THADA: variants seen among roughly 807,000 people sequenced by gnomAD.
THADA encodes THADA armadillo repeat containing, also known as tRNA (32-2'-O)-methyltransferase regulator THADA.
In THADA, 213 loss-of-function variants were observed where a neutral mutation model predicts 219.8. The observed-to-expected ratio is 0.97, with a 90% CI of 0.87 to 1.09. The LOEUF (loss-of-function observed/expected upper bound fraction) is 1.09. Among genes scored for constraint, THADA ranks in the 50% least tolerant of loss-of-function variants. THADA has a pLI of 0.00. For synonymous variants in THADA, 1,018 were observed against 828.9 expected, an observed-to-expected ratio of 1.23 and a Z score of -3.92; for missense variants, 2,956 against 2,311.3, an observed-to-expected ratio of 1.28 and a Z score of -5.72.
intron 15 of THADA, chr2:43,563,097 C>A: frequency 6.6e-6 from 1 of 152,090 alleles, no homozygotes; most frequent in East Asian, 1.9e-4. Context: ...TGTTTCCTTC[C>A]TTTTAAGTTT....
intron 34 of THADA, among the ~76,000 whole-genome samples, chr2:43,288,372 C>G (rs552832765): frequency 1.3e-5 from 2 of 152,360 alleles, no homozygotes; most frequent in African/African-American, 4.8e-5. Context: ...GAGCCAAGAT[C>G]ATGCCACTGC....
intron 36 of THADA, among the ~76,000 whole-genome samples, chr2:43,275,910 T>C (rs898414546): frequency 4.6e-5 from 7 of 152,240 alleles, no homozygotes; most frequent in African/African-American, 1.7e-4. Context: ...ACAGAGGCCT[T>C]TGTTCAAATG....
rs748820550 is a variant in THADA at position 43,577,088 on chromosome 2, C to T, written c.971G>A (p.Ser324Asn). 3 of 1,613,522 alleles carry T rather than the reference C, an allele frequency of 1.9e-6. No homozygotes were observed. The highest frequency in any genetic ancestry group is 2.2e-5 in the South Asian group (2 of 90,846). ...CAGGGCCTCCCCACTCCGACCCATG[C>T]TTCCGTTCTGCCAGTCCAACATGGC... ...TLAMLDWQNGSMGRSGEALLL... is the reference protein window; with the variant it reads ...TLAMLDWQNGNMGRSGEALLL... Residue 324 changes from serine to asparagine, a missense_variant, in exon 10 of 38, where the codon AGC becomes AAC. Physicochemically the swap from Ser to Asn is conservative, Grantham distance 46 (BLOSUM62 1). Transcript: ENST00000405975.
At chr2:43,589,408 T>C (rs1212723557) in intron 4 of THADA, among the ~76,000 whole-genome samples, 3 of 152,160 alleles carry the variant, frequency 2.0e-5, no homozygotes, top group African/African-American at 7.2e-5. Context: ...ATATGAGGTA[T>C]CTAAAGTAAT....
chr2:43,265,626 G>A (rs945562762), intron 36 of THADA, among the ~76,000 whole-genome samples: 4 of 152,272 alleles, frequency 2.6e-5, no homozygotes, highest in African/African-American at 7.2e-5. Flanking sequence ...AACAAGGGCC[G>A]GGCAGGCAGG....
At chr2:43,432,603 C>G (rs1257378106) in intron 26 of THADA, among the ~76,000 whole-genome samples, 1 of 151,972 alleles carries the variant, frequency 6.6e-6, no homozygotes, top group Non-Finnish European at 1.5e-5. Flanking sequence ...CTGACAGTTT[C>G]CTGAAATAAT....
chr2:43,456,565 T>C (rs141431037), intron 26 of THADA, among the ~76,000 whole-genome samples: 113 of 152,260 alleles, frequency 7.4e-4, no homozygotes, highest in African/African-American at 2.2e-3. Context: ...CTTTTCTTTT[T>C]TTTTTTAAGC....
At chr2:43,480,130 T>C (rs574053209) in intron 26 of THADA, among the ~76,000 whole-genome samples, 2 of 152,356 alleles carry the variant, frequency 1.3e-5, no homozygotes, top group South Asian at 4.1e-4. Context: ...TCGCTTTGTG[T>C]TCTAGTTCTG....
At chr2:43,567,915 T>C (rs1698869727) in intron 14 of THADA, among the ~76,000 whole-genome samples, 1 of 152,230 alleles carries the variant, frequency 6.6e-6, no homozygotes, top group African/African-American at 2.4e-5. Context: ...TTCCCATTAC[T>C]CAAGTCCTCC....
intron 26 of THADA, among the ~76,000 whole-genome samples, chr2:43,446,391 C>T (rs1229651472): frequency 6.6e-6 from 1 of 152,176 alleles, no homozygotes; most frequent in African/African-American, 2.4e-5. Flanking sequence ...CTAGTTCTGG[C>T]TTAAGCTTTA....
chr2:43,360,530 T>C (rs1669387934), intron 29 of THADA, among the ~76,000 whole-genome samples: 1 of 152,224 alleles, frequency 6.6e-6, no homozygotes, highest in South Asian at 2.1e-4. Context: ...TATTTACATG[T>C]TCATCTTTCC....
At chr2:43,445,645 T>C (rs1005588430) in intron 26 of THADA, among the ~76,000 whole-genome samples, 3 of 152,202 alleles carry the variant, frequency 2.0e-5, no homozygotes, top group African/African-American at 4.8e-5. Flanking sequence ...CGATCCTCTG[T>C]AGGTAGCCAT....
chr2:43,325,278 C>T lies in THADA; in HGVS notation c.4344-4738G>A, dbSNP rs562911647. 4.7e-4 allele frequency among the ~76,000 whole-genome samples: 70 copies of T among 150,496 alleles called. 1 individual carries two copies. The South Asian group carries it at 0.013, about 29-fold the overall frequency. ...AATTATTCACTTTTCCTGTCCCTTC[C>T]GGAATCCCAGTGGCTGCAGGTTTTT... is the stretch of plus-strand genomic sequence containing the variant. On this transcript the variant is annotated intron_variant, in intron 30 of 37. Transcript: ENST00000405975.
At chr2:43,430,133 G>C in intron 27 of THADA, 80 bp downstream of exon 27, 1 of 650,572 alleles carries the variant, frequency 1.5e-6, no homozygotes, top group Non-Finnish European at 2.4e-6. Context: ...ATTAAAAACA[G>C]CTGCCTAGAG....
Position 43,239,978 on chromosome 2 carries a change from A to G in THADA, c.5297-7096T>C, listed in dbSNP as rs147986198. On this transcript the variant is annotated intron_variant, in intron 36 of 37. Coordinates refer to ENST00000405975, the MANE Select transcript of THADA (RefSeq NM_022065.5). ...GAAAACCACCCAGAAAACCACTCTAAGAGAGAGAAGAGTTGCCAGAGGCAA... is the reference window on the plus strand; with the variant it reads ...GAAAACCACCCAGAAAACCACTCTAGGAGAGAGAAGAGTTGCCAGAGGCAA... Among the ~76,000 whole-genome samples the G allele has an allele frequency of 1.1e-3, 170 of 152,368 alleles. 2 individuals carry two copies. In the East Asian group the frequency reaches 0.03, roughly 27 times the overall value.
At chr2:43,300,281 G>A (rs1168619460) in intron 31 of THADA, among the ~76,000 whole-genome samples, 1 of 151,530 alleles carries the variant, frequency 6.6e-6, no homozygotes, top group Admixed American at 6.6e-5. Flanking sequence ...GATTACAGGC[G>A]TGAGCCACCG....
In THADA at chr2:43,585,346, CAAAAAAAAAA is replaced by C. The variant is rs34682195; in HGVS notation, c.533+1045_533+1054del. On this transcript the variant is annotated intron_variant, in intron 7 of 37. Coordinates refer to ENST00000405975, the MANE Select transcript of THADA (RefSeq NM_022065.5). ...GCATTATAGTGAGACCTCATTCCTA[CAAAAAAAAAA>C]AAAAAAAAAAAATTAGCCAAGCATG... Among the ~76,000 whole-genome samples the C allele has an allele frequency of 1.9e-4, 18 of 95,330 alleles. No homozygotes were observed. The South Asian group carries it at 5.4e-3, about 28-fold the overall frequency. The allele number at this position is 95,330 out of a possible 152,430, so 62.5% of individuals were successfully genotyped here.
At chr2:43,489,873 G>GAAAAAAAAAAAAAAAAAAAA (rs1687402183) in intron 25 of THADA, among the ~76,000 whole-genome samples, 1 of 71,148 alleles carries the variant, frequency 1.4e-5, no homozygotes, top group African/African-American at 9.0e-5. Context: ...TTTAAGATCT[G>GAAAAAAAAAAAAAAAAAAAA]CAAAAAAAAA....
At chr2:43,594,832 G>A (rs1319185591) in intron 1 of THADA, among the ~76,000 whole-genome samples, 2 of 152,036 alleles carry the variant, frequency 1.3e-5, no homozygotes, top group African/African-American at 4.8e-5. Flanking sequence ...TCATGTTTCT[G>A]CTGCAACATT....
Sources: gnomAD v4.1 joint callset for allele counts (sites outside exome capture counted in the v4.1 genomes callset) on GRCh38, gnomAD v4.1.1 for gene constraint, MANE v1.5 for transcripts, NCBI Gene and HGNC (gene_info 2026-07-23, HGNC 2026-07-21) for gene names.